Variants in NOD2 observed in about 807,000 individuals in gnomAD.
NOD2 encodes the protein nucleotide-binding oligomerization domain-containing protein 2.
Under a neutral mutation model 90.9 loss-of-function variants are expected in NOD2, and 86 were observed. The ratio of observed to expected loss-of-function variants is 0.95; its 90% CI spans 0.79 to 1.13. NOD2 has a LOEUF of 1.13. NOD2 is among the 50% of genes most tolerant of loss of function. The probability of loss-of-function intolerance (pLI) is 0.00; values close to 1 mark genes in which losing one functional copy is unlikely to be tolerated. For missense variants in NOD2, 1,238 were observed against 1,283.8 expected, an observed-to-expected ratio of 0.96 and a Z score of 0.55; for synonymous variants, 581 against 554.6, an observed-to-expected ratio of 1.05 and a Z score of -0.67.
Position 50,729,833 on chromosome 16 carries a change from C to T in NOD2, c.2901C>T (p.Cys967=), listed in dbSNP as rs1965390522. Reference sequence around the variant, plus strand: ...TCTTTTCCAGGTTGTCCAATAACTGCATCACCTACCTAGGGGCAGAAGCCC... The same window carrying T: ...TCTTTTCCAGGTTGTCCAATAACTGTATCACCTACCTAGGGGCAGAAGCCC... ...SLKILKLSNN[C]ITYLGAEALL... is the part of the protein sequence containing the mutation. Residue 967 remains cysteine, a synonymous_variant, in exon 11 of 12, where the codon TGC becomes TGT. Coordinates refer to ENST00000647318, the MANE Select transcript of NOD2 (RefSeq NM_001370466.1). The T allele has an allele frequency of 1.9e-6, 3 of 1,612,614 alleles. No individual in the cohort carries two copies. The highest frequency in any genetic ancestry group is 2.5e-6 in the Non-Finnish European group (3 of 1,178,960).
At chr16:50,727,916 C>T in intron 10 of NOD2, 2 of 282,428 alleles carry the variant, frequency 7.1e-6, no homozygotes, top group Non-Finnish European at 1.4e-5. Flanking sequence ...TGCGAATTTG[C>T]CTTTGGGAAG....
chr16:50,717,323 C>T (rs1410301460), intron 6 of NOD2, among the ~76,000 whole-genome samples: 1 of 152,198 alleles, frequency 6.6e-6, no homozygotes, highest in African/African-American at 2.4e-5. Flanking sequence ...TACACAGTTA[C>T]TTGCCACCCC....
intron 3 of NOD2, 40 bp from the exon 4 acceptor site, chr16:50,710,518 C>T (rs1356211407): frequency 6.2e-7 from 1 of 1,613,720 alleles, no homozygotes. Context: ...CCGTCTTCAC[C>T]ATGGTGCCAC....
At chr16:50,727,814 T>C in intron 10 of NOD2, 1 of 363,248 alleles carries the variant, frequency 2.8e-6, no homozygotes, top group Non-Finnish European at 5.5e-6. Flanking sequence ...CCGAGCATAC[T>C]TCTCATATGT....
intron 8 of NOD2, 146 bp from the exon 9 acceptor site, chr16:50,723,150 AAAAAG>A: frequency 1.6e-6 from 1 of 638,094 alleles, no homozygotes; most frequent in Non-Finnish European, 2.7e-6. Flanking sequence ...AAAAAAAAAA[AAAAAG>A]AAAAAAGAAA....
In NOD2 at chr16:50,723,295, C is replaced by T; in HGVS notation, c.2718-6C>T. 2 of 1,613,592 alleles carry T rather than the reference C, an allele frequency of 1.2e-6. No individual in the cohort carries two copies. The highest frequency in any genetic ancestry group is 1.7e-6 in the Non-Finnish European group (2 of 1,179,730). Reference sequence around the variant, plus strand: ...TGACATACTTTTGTTCCATGATTACCTCCAGCCTGGTGGGGAACAACATTG... The same window carrying T: ...TGACATACTTTTGTTCCATGATTACTTCCAGCCTGGTGGGGAACAACATTG... On this transcript the variant is annotated splice_polypyrimidine_tract_variant and splice_region_variant and intron_variant, in intron 8 of 11. Transcript: ENST00000647318.
In NOD2 at chr16:50,711,808, G is replaced by A; in HGVS notation, c.1816G>A (p.Gly606Ser). The A allele has an allele frequency of 6.2e-7, 1 of 1,614,206 alleles. No individual in the cohort carries two copies. ...TTTGCTCAGACACCTCTTCAATTGT[G>A]GCAGGCCAGGCAACTCACCAATGGC... ...PALLRHLFNCGRPGNSPMARL... is the reference protein window; with the variant it reads ...PALLRHLFNCSRPGNSPMARL... The change falls in exon 4 of 12, where the codon GGC becomes AGC. Residue 606 changes from glycine (G) to serine (S), a missense_variant. This residue lies in a region of NOD2 where 667 missense variants were observed against 688.7 expected (regional missense o/e 0.97). Transcript: ENST00000647318.
rs187540953 is a variant in NOD2, at chr16:50,699,150, G to A, written c.-8-338G>A. On this transcript the variant is annotated intron_variant, in intron 1 of 11. Transcript: ENST00000647318. ...ACCGTGTTGGCCGGGCTGGTCTAGC[G>A]CTCCTGATCTCAAGTGACCTTGGGA... Among the ~76,000 whole-genome samples the A allele has an allele frequency of 2.6e-5, 4 of 152,184 alleles. No homozygotes were observed. The East Asian group carries it at 5.8e-4, about 22-fold the overall frequency.
rs763743511 is a variant in NOD2 at position 50,710,656 on chromosome 16, G to A, written c.664G>A (p.Glu222Lys). ...TYDGAETLCL[E>K]DIYTENVLEV... The stretch of plus-strand genomic sequence containing the variant: ...TGATGGAGCAGAGACGCTCTGCCTG[G>A]AGGACATATACACAGAGAATGTCCT... Residue 222 changes from glutamate to lysine, a missense_variant, in exon 4 of 12, where the codon GAG (glutamate) becomes AAG (lysine). Coordinates refer to ENST00000647318, the MANE Select transcript of NOD2 (RefSeq NM_001370466.1). 3 of 1,614,204 alleles carry A rather than the reference G, an allele frequency of 1.9e-6. No homozygotes were observed. In the Admixed American group the frequency reaches 5.0e-5, roughly 27 times the overall value.
rs104895447 is a variant in NOD2, at chr16:50,716,931, A to G, written c.2506A>G (p.Met836Val). 1.2e-3 allele frequency: 2,003 copies of G among 1,614,244 alleles called. 11 individuals are homozygous for G. The highest frequency in any genetic ancestry group is 1.2e-3 in the Non-Finnish European group (1,405 of 1,180,030). The change falls in exon 6 of 12, where the codon ATG becomes GTG. Residue 836 changes from methionine to valine, a missense_variant. Met to Val is a conservative substitution (Grantham distance 21, BLOSUM62 1). Transcript: ENST00000647318. The part of the protein sequence containing the change: ...NKLTDGCAHS[M>V]AKLLACRQNF... The stretch of plus-strand genomic sequence containing the variant: ...ATTGACTGACGGCTGTGCACACTCC[A>G]TGGCTAAGCTCCTTGCATGCAGGCA...
intron 9 of NOD2, among the ~76,000 whole-genome samples, chr16:50,724,549 A>G (rs776960050): frequency 1.3e-5 from 2 of 152,200 alleles, no homozygotes; most frequent in African/African-American, 4.8e-5. Context: ...GCAGCTGGGC[A>G]TTTGCCTTAT....
chr16:50,710,479 C>T (rs1964410510), intron 3 of NOD2, 79 bp from the exon 4 acceptor site: 2 of 1,596,072 alleles, frequency 1.3e-6, no homozygotes, highest in Non-Finnish European at 1.7e-6. Flanking sequence ...GTCAGCGTCC[C>T]CCGCAGCAGC....
In NOD2 at chr16:50,711,370, G is replaced by A. The variant is rs908626604; in HGVS notation, c.1378G>A (p.Val460Ile). ...CCTGCACGGTTTGTGCCACCTGCCTGTCTTCTCATGGATGGTGTCCAAATG... is the reference window on the plus strand; with the variant it reads ...CCTGCACGGTTTGTGCCACCTGCCTATCTTCTCATGGATGGTGTCCAAATG... ...SALHGLCHLP[V>I]FSWMVSKCHQ... is the part of the protein sequence containing the mutation. The change falls in exon 4 of 12, where the codon GTC becomes ATC. Residue 460 changes from valine to isoleucine, a missense_variant. By Grantham distance (29) the Val-to-Ile change is conservative. Transcript: ENST00000647318. 9.9e-6 allele frequency: 16 copies of A among 1,613,638 alleles called. No individual in the cohort carries two copies. Among genetic ancestry groups the A allele is most frequent in the Non-Finnish European group, 1.3e-5 (15 of 1,180,048 alleles).
intron 1 of NOD2, chr16:50,698,035 AAG>A (rs1214108599): frequency 6.5e-6 from 1 of 153,094 alleles, no homozygotes; most frequent in Non-Finnish European, 1.5e-5. Flanking sequence ...ACCATCAGGA[AAG>A]AGGTAAAATC....
chr16:50,698,900 G>A (rs1316004816), intron 1 of NOD2, among the ~76,000 whole-genome samples: 1 of 150,100 alleles, frequency 6.7e-6, no homozygotes, highest in African/African-American at 2.5e-5. Context: ...TTCCCTGATT[G>A]TTTGGAAGAT....
At position 50,711,305 on chromosome 16, in the gene NOD2, T is replaced by C; in HGVS notation, c.1313T>C (p.Val438Ala). The C allele has an allele frequency of 6.2e-7, 1 of 1,613,644 alleles. No homozygotes were observed. Among genetic ancestry groups the C allele is most frequent in the Non-Finnish European group, 8.5e-7 (1 of 1,180,010 alleles). ...AGGAAGCGCCATCATGAGCCCGGGG[T>C]GGCGGACCGCCTCATCCGCCTGCTC... ...YLRKRHHEPG[V>A]ADRLIRLLQE... Residue 438 changes from valine to alanine, a missense_variant, in exon 4 of 12, where the codon GTG becomes GCG. Physicochemically the swap from Val to Ala is moderately conservative, Grantham distance 64. This residue lies in a region of NOD2 where 567 missense variants were observed against 577.3 expected (regional missense o/e 0.98). Transcript: ENST00000647318.
intron 2 of NOD2, among the ~76,000 whole-genome samples, chr16:50,705,576 G>A (rs941346694): frequency 2.0e-5 from 3 of 152,182 alleles, no homozygotes; most frequent in African/African-American, 7.2e-5. Flanking sequence ...GTACACCACA[G>A]ACCTTTTGCC....
In NOD2 at chr16:50,712,093, G is replaced by A. The variant is rs1964553940; in HGVS notation, c.2101G>A (p.Gly701Ser). ...CCACTCCATCCCGCCAGCTGCACCG[G>A]GTGAGGCCAAGAGCGTGCATGCCAT... is the stretch of plus-strand genomic sequence containing the variant. Reference protein sequence around the residue: ...HFHSIPPAAPGEAKSVHAMPG... With the variant: ...HFHSIPPAAPSEAKSVHAMPG... The change falls in exon 4 of 12, where the codon GGT (glycine) becomes AGT (serine). Residue 701 changes from glycine to serine, a missense_variant. Gly to Ser is a moderately conservative substitution (Grantham distance 56). Transcript: ENST00000647318. 6.2e-7 allele frequency: 1 copy of A among 1,613,928 alleles called. No homozygotes were observed. Among genetic ancestry groups the A allele is most frequent in the Non-Finnish European group, 8.5e-7 (1 of 1,180,014 alleles).
chr16:50,711,291 T>G lies in NOD2; in HGVS notation c.1299T>G (p.His433Gln). 1 of 1,613,728 alleles carries G rather than the reference T, an allele frequency of 6.2e-7. No individual in the cohort carries two copies. The highest frequency in any genetic ancestry group is 8.5e-7 in the Non-Finnish European group (1 of 1,180,016). The part of the protein sequence containing the change: ...QGIELYLRKR[H>Q]HEPGVADRLI... ...TCGAGCTGTACCTGAGGAAGCGCCA[T>G]CATGAGCCCGGGGTGGCGGACCGCC... Residue 433 changes from histidine (H) to glutamine (Q), a missense_variant, in exon 4 of 12, where the codon CAT becomes CAG. His to Gln is a conservative substitution (Grantham distance 24). This residue lies in a region of NOD2 where 567 missense variants were observed against 577.3 expected (regional missense o/e 0.98). Transcript: ENST00000647318.
Sources: gnomAD v4.1 joint callset for allele counts (sites outside exome capture counted in the v4.1 genomes callset) on GRCh38, gnomAD v4.1.1 for gene constraint, gnomAD v4.1.1 regional missense constraint, MANE v1.5 for transcripts, NCBI Gene and HGNC (gene_info 2026-07-23, HGNC 2026-07-21) for gene names.